Variants in HMGCLL1 observed in about 807,000 individuals in gnomAD.
The protein encoded by HMGCLL1 is 3-hydroxy-3-methylglutaryl-CoA lyase like 1.
HMGCLL1 carries 36 observed loss-of-function variants against 39.1 expected under a neutral mutation model. That is an observed-to-expected ratio of 0.92 (90% confidence interval 0.71 to 1.22). HMGCLL1 has a LOEUF of 1.22. HMGCLL1 is among the 50% of genes most tolerant of loss of function. HMGCLL1 has a pLI of 0.00. For synonymous variants in HMGCLL1, 149 were observed against 144.0 expected, an observed-to-expected ratio of 1.03 and a Z score of -0.25; for missense variants, 451 against 416.5, an observed-to-expected ratio of 1.08 and a Z score of -0.72.
At chr6:55,455,962 T>C (rs990498132) in intron 7 of HMGCLL1, among the ~76,000 whole-genome samples, 1 of 152,184 alleles carries the variant, frequency 6.6e-6, no homozygotes, top group Non-Finnish European at 1.5e-5. Context: ...AATTAGAATA[T>C]TAAGGGCTTT....
intron 5 of HMGCLL1, among the ~76,000 whole-genome samples, chr6:55,510,874 A>C (rs2127434294): frequency 6.6e-6 from 1 of 151,398 alleles, no homozygotes. Flanking sequence ...TTAACCATGA[A>C]ATTAATAATG....
the HMGCLL1 span, among the ~76,000 whole-genome samples, chr6:55,617,489 A>C: frequency 6.6e-6 from 1 of 152,104 alleles, no homozygotes; most frequent in Non-Finnish European, 1.5e-5. Flanking sequence ...GTATTAATGG[A>C]GTTGCCAGCT....
rs370362558 is a variant in HMGCLL1 at position 55,501,225 on chromosome 6, G to A, written c.543-1926C>T. ...GGCTAATGTGATGGTTCTCAGCTAT[G>A]TTCCCTTAACTGTATACTTTAACAT... On this transcript the variant is annotated intron_variant, in intron 5 of 8. Transcript: ENST00000274901. Among the ~76,000 whole-genome samples the A allele has an allele frequency of 9.9e-5, 15 of 151,966 alleles. No homozygotes were observed. In the South Asian group the frequency reaches 2.5e-3, roughly 25 times the overall value.
chr6:55,543,477 A>ATATATATGATATATATCATATATATCAT (rs1491502924), intron 1 of HMGCLL1, among the ~76,000 whole-genome samples: 1 of 10,068 alleles, frequency 9.9e-5, no homozygotes, highest in East Asian at 5.7e-3. Flanking sequence ...TATCATATAT[A>ATATATATGATATATATCATATATATCAT]ATATATATAT....
intron 7 of HMGCLL1, among the ~76,000 whole-genome samples, chr6:55,444,339 T>C (rs1763724875): frequency 6.6e-6 from 1 of 151,990 alleles, no homozygotes; most frequent in Non-Finnish European, 1.5e-5. Context: ...TAAAAATAAA[T>C]ACATATGGGT....
intron 1 of HMGCLL1, among the ~76,000 whole-genome samples, chr6:55,570,957 GA>G (rs2127476064): frequency 6.6e-6 from 1 of 152,274 alleles, no homozygotes; most frequent in African/African-American, 2.4e-5. Flanking sequence ...AGAGCCAAGC[GA>G]AAGGGGAAAC....
rs1437415933 is a variant in HMGCLL1 at position 55,514,091 on chromosome 6, C to T, written c.499G>A (p.Glu167Lys). ...ATGTGTCTTGCAGACTTAACAACCT[C>T]CTCAAATTTTCCCATACTTTCTTCA... is the stretch of plus-strand genomic sequence containing the variant. ...SIEESMGKFE[E>K]VVKSARHMNI... Residue 167 changes from glutamate to lysine, a missense_variant, in exon 5 of 9, where the codon GAG becomes AAG. Glu to Lys is a moderately conservative substitution (Grantham distance 56). Transcript: ENST00000274901. 9 of 1,613,130 alleles carry T rather than the reference C, an allele frequency of 5.6e-6. No individual in the cohort carries two copies. In the Admixed American group the frequency reaches 6.7e-5, roughly 12 times the overall value.
chr6:55,490,736 A>G (rs529688559), intron 7 of HMGCLL1, among the ~76,000 whole-genome samples: 64 of 152,152 alleles, frequency 4.2e-4, no homozygotes, highest in Non-Finnish European at 4.6e-4. Flanking sequence ...CCAACTATCC[A>G]TATTACCTGT....
the HMGCLL1 span, among the ~76,000 whole-genome samples, chr6:55,603,208 T>C: frequency 6.6e-6 from 1 of 152,254 alleles, no homozygotes; most frequent in African/African-American, 2.4e-5. Context: ...AATCTGAAAA[T>C]AGACACTACT....
At chr6:55,627,928 ATAC>A in the HMGCLL1 span, among the ~76,000 whole-genome samples, 3 of 2,926 alleles carry the variant, frequency 1.0e-3, no homozygotes, top group African/African-American at 2.2e-3. Flanking sequence ...TATAATATAT[ATAC>A]TATATATATA....
chr6:55,587,176 G>C, the HMGCLL1 span, among the ~76,000 whole-genome samples: 1 of 152,058 alleles, frequency 6.6e-6, no homozygotes, highest in African/African-American at 2.4e-5. Flanking sequence ...GTGTCTTTTG[G>C]CTGCATAAAT....
intron 7 of HMGCLL1, among the ~76,000 whole-genome samples, chr6:55,458,870 G>T (rs1202879834): frequency 6.6e-6 from 1 of 152,056 alleles, no homozygotes; most frequent in Non-Finnish European, 1.5e-5. Context: ...ATGTACTAGG[G>T]AGTATGCTAT....
At chr6:55,613,542 C>A in the HMGCLL1 span, among the ~76,000 whole-genome samples, 14 of 152,230 alleles carry the variant, frequency 9.2e-5, no homozygotes, top group East Asian at 2.7e-3. Flanking sequence ...ATGGAACCAA[C>A]TCAAAGGCCC....
the HMGCLL1 span, among the ~76,000 whole-genome samples, chr6:55,614,405 A>G: frequency 3.3e-5 from 5 of 152,114 alleles, no homozygotes; most frequent in Non-Finnish European, 5.9e-5. Flanking sequence ...CTCACCAAAC[A>G]CTGAATCTTC....
chr6:55,613,190 A>G, the HMGCLL1 span, among the ~76,000 whole-genome samples: 5 of 152,222 alleles, frequency 3.3e-5, no homozygotes, highest in African/African-American at 1.2e-4. Flanking sequence ...AGACATATGA[A>G]AAAAGGTCAA....
At position 55,435,607 on chromosome 6, in the gene HMGCLL1, T is replaced by A; in HGVS notation, c.*55A>T. The A allele has an allele frequency of 3.2e-6, 3 of 947,388 alleles. No individual in the cohort carries two copies. Among genetic ancestry groups the A allele is most frequent in the Non-Finnish European group, 3.2e-6 (2 of 622,904 alleles). The allele number at this position is 947,388 out of a possible 1,614,324, so 58.7% of individuals were successfully genotyped here. A position where few individuals can be genotyped will look rare whatever the true frequency, so the allele number is the denominator to read the frequency against. On this transcript the variant is annotated 3_prime_UTR_variant, in exon 9 of 9. Coordinates refer to ENST00000274901, the MANE Select transcript of HMGCLL1 (RefSeq NM_001042406.2). Reference sequence around the variant, plus strand: ...CAAGTTGGCATTAATGATTTTCAGATGAGTATTGTAGCTGAAATTGATCTT... The same window carrying A: ...CAAGTTGGCATTAATGATTTTCAGAAGAGTATTGTAGCTGAAATTGATCTT...
At chr6:55,439,677 T>C in intron 7 of HMGCLL1, 118 bp from the exon 8 acceptor site, 1 of 1,098,032 alleles carries the variant, frequency 9.1e-7, no homozygotes, top group Non-Finnish European at 1.3e-6. Flanking sequence ...TATTCAAATA[T>C]ATTCACTTAC....
chr6:55,650,082 CACATATACATATATATATATATAT>C, the HMGCLL1 span, among the ~76,000 whole-genome samples: 1 of 73,588 alleles, frequency 1.4e-5, no homozygotes, highest in South Asian at 5.4e-4. Context: ...TATATACACA[CACATATACATATATATATATATAT>C]ATATATATAT....
At chr6:55,488,153 G>T (rs1766137409) in intron 7 of HMGCLL1, among the ~76,000 whole-genome samples, 1 of 152,064 alleles carries the variant, frequency 6.6e-6, no homozygotes, top group African/African-American at 2.4e-5. Flanking sequence ...GGGCTAGGAG[G>T]ACAGAGGGTA....
Sources: gnomAD v4.1 joint callset for allele counts (sites outside exome capture counted in the v4.1 genomes callset) on GRCh38, gnomAD v4.1.1 for gene constraint, MANE v1.5 for transcripts, NCBI Gene and HGNC (gene_info 2026-07-23, HGNC 2026-07-21) for gene names.